SBK1: variants seen among roughly 807,000 people sequenced by gnomAD.
The protein encoded by SBK1 is SH3 domain binding kinase 1.
In SBK1, 11 loss-of-function variants were observed where a neutral mutation model predicts 24.4. The observed-to-expected ratio is 0.45, with a 90% CI of 0.28 to 0.75. The LOEUF (loss-of-function observed/expected upper bound fraction) is 0.75, where lower values mean the gene tolerates loss of function less well. Among genes scored for constraint, SBK1 ranks in the 30% least tolerant of loss-of-function variants. The pLI is 0.12. For synonymous variants in SBK1, 308 were observed against 284.4 expected (o/e 1.08, Z -0.83); for missense variants, 467 against 620.5 (o/e 0.75, Z 2.63).
chr16:28,320,211 C>T lies in SBK1; in HGVS notation c.565C>T (p.Arg189Cys). ...NVLLFDRECR[R>C]VKLADFGMTR... Reference sequence around the variant, plus strand: ...GCTGCTGTTCGACCGCGAGTGCCGCCGCGTAAAGCTGGCCGACTTCGGCAT... The same window carrying T: ...GCTGCTGTTCGACCGCGAGTGCCGCTGCGTAAAGCTGGCCGACTTCGGCAT... Residue 189 changes from arginine to cysteine, a missense_variant, in exon 4 of 4, where the codon CGC becomes TGC. Transcript: ENST00000341901. This position sits in a 1 kb window ranked among gnomAD's most constrained non-coding sequence, Gnocchi z 8.5. 1 of 1,594,064 alleles carries T rather than the reference C, an allele frequency of 6.3e-7. No homozygotes were observed. Among genetic ancestry groups the T allele is most frequent in the Middle Eastern group, 1.7e-4 (1 of 5,730 alleles).
Position 28,323,289 on chromosome 16 carries a change from A to G in SBK1, c.*2368A>G, listed in dbSNP as rs1022492097. ...GTCGAAGAAACAAAAAATAATAGCA[A>G]AAAATAACACTGTAGACATGAAGAC... On this transcript the variant is annotated 3_prime_UTR_variant, in exon 4 of 4. Transcript: ENST00000341901. 1.3e-5 allele frequency: 2 copies of G among 152,126 alleles called. No individual in the cohort carries two copies. Among genetic ancestry groups the G allele is most frequent in the Non-Finnish European group, 2.9e-5 (2 of 67,886 alleles). The allele number at this position is 152,126 out of a possible 1,614,324, so 9.4% of individuals were successfully genotyped here.
At chr16:28,315,229 G>T (rs1275192986) in intron 1 of SBK1, among the ~76,000 whole-genome samples, 1 of 151,660 alleles carries the variant, frequency 6.6e-6, no homozygotes, top group Admixed American at 6.6e-5. Flanking sequence ...GAAGACCGGG[G>T]TTGGGGGGAT....
At chr16:28,292,468 G>T (rs1013268717), upstream of SBK1, 5 of 920,808 alleles carry the variant, frequency 5.4e-6, no homozygotes, top group South Asian at 2.4e-4. Flanking sequence ...GCGCGAGCCG[G>T]AGGGCGGAGC....
chr16:28,286,031 T>C (rs1419340099), intron 1 of SBK1: 1 of 152,310 alleles, frequency 6.6e-6, no homozygotes, highest in East Asian at 1.9e-4. Flanking sequence ...CATCAGTACT[T>C]GTGCTGGGGC....
chr16:28,288,632 C>G (rs2044580896), upstream of SBK1, among the ~76,000 whole-genome samples: 1 of 152,246 alleles, frequency 6.6e-6, no homozygotes, highest in Non-Finnish European at 1.5e-5. Context: ...TGACCCGACC[C>G]TTCAGTCCTG....
At chr16:28,314,911 G>A (rs962553536) in intron 1 of SBK1, among the ~76,000 whole-genome samples, 3 of 152,052 alleles carry the variant, frequency 2.0e-5, no homozygotes, top group Admixed American at 6.6e-5. Context: ...CCCAAGAGGC[G>A]GAGGTTGCAA....
chr16:28,305,899 C>G (rs2044713462), intron 1 of SBK1, among the ~76,000 whole-genome samples: 1 of 152,172 alleles, frequency 6.6e-6, no homozygotes, highest in Non-Finnish European at 1.5e-5. Context: ...TTGACCCAAT[C>G]CTTGCCTTGC....
intron 1 of SBK1, among the ~76,000 whole-genome samples, chr16:28,275,905 G>A (rs2044491756): frequency 1.4e-5 from 2 of 147,904 alleles, no homozygotes; most frequent in Admixed American, 6.9e-5. Context: ...AAGGAAGGAA[G>A]GAAGGAACGA....
At chr16:28,287,119 CTAAATAAA>C (rs915076058) in intron 1 of SBK1, 1 of 148,742 alleles carries the variant, frequency 6.7e-6, no homozygotes, top group African/African-American at 2.5e-5. Flanking sequence ...ATAAATAAAA[CTAAATAAA>C]TAAATAAAAA....
chr16:28,264,312 G>A (rs954313284), intron 1 of SBK1, among the ~76,000 whole-genome samples: 2 of 152,054 alleles, frequency 1.3e-5, no homozygotes, highest in African/African-American at 4.8e-5. Context: ...ACAGGCTCAC[G>A]CCTGTAATCC....
At chr16:28,292,430 C>T (rs2044606017), upstream of SBK1, 8 of 636,502 alleles carry the variant, frequency 1.3e-5, no homozygotes, top group Non-Finnish European at 1.5e-5. Context: ...GCGCGCCGAG[C>T]GGGACGGACA....
chr16:28,315,115 A>G (rs759604248), intron 1 of SBK1, among the ~76,000 whole-genome samples: 1 of 152,196 alleles, frequency 6.6e-6, no homozygotes, highest in Non-Finnish European at 1.5e-5. Context: ...CAGTGCACAC[A>G]CAGATACATA....
chr16:28,271,908 A>G (rs1304320709), intron 1 of SBK1, among the ~76,000 whole-genome samples: 1 of 152,248 alleles, frequency 6.6e-6, no homozygotes, highest in Non-Finnish European at 1.5e-5. Context: ...GAGAAGCCAC[A>G]GAATGGCAGA....
At position 28,319,085 on chromosome 16, in the gene SBK1, C is replaced by G. The variant is rs749531844; in HGVS notation, c.317C>G (p.Ser106Cys). 1.9e-6 allele frequency: 3 copies of G among 1,614,076 alleles called. No individual in the cohort carries two copies. The Admixed American group carries it at 5.0e-5, about 27-fold the overall frequency. The stretch of plus-strand genomic sequence containing the variant: ...GTGAGCATCACCAACAGCCTCTCCT[C>G]CAGCCCCTTCATCATCAAGGTCTTT... ...REVSITNSLS[S>C]SPFIIKVFDV... The change falls in exon 3 of 4, where the codon TCC becomes TGC. Residue 106 changes from serine to cysteine, a missense_variant. Ser to Cys is a moderately radical substitution (Grantham distance 112). Around this residue, in one of 4 missense-constraint regions of SBK1, gnomAD observed 123 missense variants for 158.2 expected, o/e 0.78. Coordinates refer to ENST00000341901, the MANE Select transcript of SBK1 (RefSeq NM_001024401.3). This position sits in a 1 kb window ranked among gnomAD's most constrained non-coding sequence, Gnocchi z 4.0.
At chr16:28,318,471 G>A (rs2044813852) in intron 2 of SBK1, among the ~76,000 whole-genome samples, 1 of 152,238 alleles carries the variant, frequency 6.6e-6, no homozygotes, top group Non-Finnish European at 1.5e-5. Context: ...CAATCATAAT[G>A]AAGTGTGAGT....
chr16:28,291,794 T>C (rs1483281444), upstream of SBK1: 3 of 152,274 alleles, frequency 2.0e-5, no homozygotes, highest in Non-Finnish European at 4.4e-5. Context: ...TTTCTTCCCT[T>C]CTATCCGGCG....
rs2044384030 is a variant in SBK1, at chr16:28,259,542, G to A, written c.257+40G>A. On this transcript the variant is annotated intron_variant, in intron 1 of 3. Coordinates refer to the SBK1 transcript ENST00000671413. The surrounding 1 kb of genome is among the most constrained non-coding windows in gnomAD (Gnocchi z 6.0). ...GTGGCCAGTGGGTGGGCAGCAGGTGGGCACAGCGCTCGACCCAGGGTGCCT... is the reference window on the plus strand; with the variant it reads ...GTGGCCAGTGGGTGGGCAGCAGGTGAGCACAGCGCTCGACCCAGGGTGCCT... 1 of 734,028 alleles carries A rather than the reference G, an allele frequency of 1.4e-6. No individual in the cohort carries two copies. The highest frequency in any genetic ancestry group is 1.7e-6 in the Non-Finnish European group (1 of 600,282). 45.5% of individuals were successfully genotyped at this position (734,028 alleles called of 1,614,324 possible). A position where few individuals can be genotyped will look rare whatever the true frequency, so the allele number is the denominator to read the frequency against.
Position 28,293,186 on chromosome 16 carries a change from C to T in SBK1, c.-122C>T, listed in dbSNP as rs1353553872. 20 of 985,418 alleles carry T rather than the reference C, an allele frequency of 2.0e-5. No individual in the cohort carries two copies. The highest frequency in any genetic ancestry group is 2.3e-5 in the Non-Finnish European group (19 of 830,004). The allele number at this position is 985,418 out of a possible 1,614,324, so 61.0% of individuals were successfully genotyped here. A position where few individuals can be genotyped will look rare whatever the true frequency, so the allele number is the denominator to read the frequency against. ...ACTTGGGCGACTGAGCCCCTGGCGGCACCGCTTGCACCCCGGTCCATGGTC... is the reference window on the plus strand; with the variant it reads ...ACTTGGGCGACTGAGCCCCTGGCGGTACCGCTTGCACCCCGGTCCATGGTC... On this transcript the variant is annotated 5_prime_UTR_variant, in exon 1 of 4. Transcript: ENST00000341901.
chr16:28,293,512 G>A (rs529293409), intron 1 of SBK1, among the ~76,000 whole-genome samples: 1 of 152,224 alleles, frequency 6.6e-6, no homozygotes, highest in East Asian at 1.9e-4. Context: ...CTTGAGGCTC[G>A]GGCGCAGCTC....
Sources: allele counts gnomAD v4.1 joint callset (sites outside exome capture counted in the v4.1 genomes callset), GRCh38; gene constraint gnomAD v4.1.1; regional missense constraint gnomAD v4.1.1; non-coding constraint Gnocchi (gnomAD v3.1); transcripts MANE v1.5; gene names NCBI Gene and HGNC (gene_info 2026-07-23, HGNC 2026-07-21).